TNFSF13B: variants seen among roughly 807,000 people sequenced by gnomAD.
The protein encoded by TNFSF13B is TNF superfamily member 13b.
In TNFSF13B, 8 loss-of-function variants were observed where a neutral mutation model predicts 29.1. The observed-to-expected ratio is 0.27, with a 90% CI of 0.16 to 0.50. TNFSF13B has a LOEUF of 0.50. Ranked by LOEUF, TNFSF13B falls within the 20% of genes least tolerant of loss-of-function variation. The pLI, the probability that TNFSF13B is intolerant of heterozygous loss-of-function variation, is 0.98. For synonymous variants in TNFSF13B, 125 were observed against 130.8 expected (o/e 0.96, Z 0.30); for missense variants, 248 against 334.9 (o/e 0.74, Z 2.03).
At chr13:108,288,840 G>A (rs933798150) in intron 3 of TNFSF13B, among the ~76,000 whole-genome samples, 1 of 152,184 alleles carries the variant, frequency 6.6e-6, no homozygotes, top group Non-Finnish European at 1.5e-5. Flanking sequence ...GGAGTATCTG[G>A]AGGTTAGGCT....
chr13:108,305,258 A>C (rs1487221400), intron 5 of TNFSF13B, among the ~76,000 whole-genome samples: 14 of 152,192 alleles, frequency 9.2e-5, no homozygotes. Context: ...ATATAAGTAC[A>C]TAAAATGTTT....
chr13:108,301,892 A>G lies in TNFSF13B; in HGVS notation c.482-1361A>G, dbSNP rs981617766. On this transcript the variant is annotated intron_variant, in intron 3 of 5. Coordinates refer to ENST00000375887, the MANE Select transcript of TNFSF13B (RefSeq NM_006573.5). Reference sequence around the variant, plus strand: ...TATATTTCAAGACATCATGTTGTACATGACAAATATGTACAATTTTATCTG... The same window carrying G: ...TATATTTCAAGACATCATGTTGTACGTGACAAATATGTACAATTTTATCTG... 2.0e-5 allele frequency among the ~76,000 whole-genome samples: 3 copies of G among 152,368 alleles called. No homozygotes were observed. The East Asian group carries it at 5.8e-4, about 29-fold the overall frequency.
intron 2 of TNFSF13B, among the ~76,000 whole-genome samples, chr13:108,283,423 G>T (rs577116657): frequency 6.6e-6 from 1 of 152,100 alleles, no homozygotes; most frequent in Non-Finnish European, 1.5e-5. Flanking sequence ...AACAGTTCTT[G>T]AAAGAAACTT....
intron 2 of TNFSF13B, among the ~76,000 whole-genome samples, chr13:108,284,335 T>A (rs899676859): frequency 4.9e-5 from 6 of 122,414 alleles, no homozygotes; most frequent in African/African-American, 1.1e-4. Context: ...TCTCAAAAAA[T>A]AAATAAATAA....
Position 108,286,834 on chromosome 13 carries a change from C to G in TNFSF13B, c.456C>G (p.Asp152Glu), listed in dbSNP as rs1219469103. 1 of 1,570,968 alleles carries G rather than the reference C, an allele frequency of 6.4e-7. No individual in the cohort carries two copies. Among genetic ancestry groups the G allele is most frequent in the Admixed American group, 1.8e-5 (1 of 56,920 alleles). Residue 152 changes from aspartate to glutamate, a missense_variant, in exon 3 of 6, where the codon GAC (aspartate) becomes GAG (glutamate). By Grantham distance (45) the Asp-to-Glu change is conservative (BLOSUM62 2). Transcript: ENST00000375887. ...AAGACTGCTTGCAACTGATTGCAGA[C>G]AGTGAAACACCAACTATACAAAAAG... ...VTQDCLQLIA[D>E]SETPTIQKGS...
At chr13:108,279,203 T>G (rs1308376347) in intron 2 of TNFSF13B, among the ~76,000 whole-genome samples, 1 of 151,996 alleles carries the variant, frequency 6.6e-6, no homozygotes, top group East Asian at 1.9e-4. Flanking sequence ...TTCCACGGAT[T>G]TTTTTTTAAG....
intron 3 of TNFSF13B, among the ~76,000 whole-genome samples, chr13:108,300,624 C>T (rs555919790): frequency 3.2e-4 from 48 of 152,244 alleles, no homozygotes; most frequent in African/African-American, 1.1e-3. Context: ...GAAATTATAT[C>T]GTAAAAGAGG....
rs1418314191 is a variant in TNFSF13B, at chr13:108,298,994, A to G, written c.482-4259A>G. On this transcript the variant is annotated intron_variant, in intron 3 of 5. Transcript: ENST00000375887. ...AAACAAACAAACAAACAAACAAAAA[A>G]CAAACAAACAAACAAAACATTGCAT... Among the ~76,000 whole-genome samples the G allele has an allele frequency of 1.4e-5, 2 of 145,454 alleles. 1 individual carries two copies. The highest frequency in any genetic ancestry group is 3.1e-5 in the Non-Finnish European group (2 of 65,494).
At chr13:108,300,420 C>T (rs73611020) in intron 3 of TNFSF13B, among the ~76,000 whole-genome samples, 3,335 of 152,148 alleles carry the variant, frequency 0.022, 50 homozygotes, top group Middle Eastern at 0.037. Flanking sequence ...TAAAAGCTCT[C>T]TTCCCTCCAA....
In TNFSF13B at chr13:108,307,636, A is replaced by C. The variant is rs1401338555; in HGVS notation, c.*698A>C. On this transcript the variant is annotated 3_prime_UTR_variant, in exon 6 of 6. Coordinates refer to ENST00000375887, the MANE Select transcript of TNFSF13B (RefSeq NM_006573.5). The stretch of plus-strand genomic sequence containing the variant: ...AGAGAGAGAATATCCTCATTTGTTT[A>C]TGCTCATGTGTATTTTCTATAGTGA... 1 of 151,964 alleles carries C rather than the reference A, an allele frequency of 6.6e-6. No individual in the cohort carries two copies. Among genetic ancestry groups the C allele is most frequent in the Non-Finnish European group, 1.5e-5 (1 of 67,916 alleles). 9.4% of individuals were successfully genotyped at this position (151,964 alleles called of 1,614,324 possible). A position where few individuals can be genotyped will look rare whatever the true frequency, so the allele number is the denominator to read the frequency against.
chr13:108,303,114 TC>T (rs1339996017), intron 3 of TNFSF13B, 138 bp from the exon 4 acceptor site: 7 of 689,358 alleles, frequency 1.0e-5, no homozygotes, highest in Non-Finnish European at 1.6e-5. Context: ...TATTCCTTTT[TC>T]CTTTTTTTTC....
chr13:108,289,933 G>A (rs1445391270), intron 3 of TNFSF13B, among the ~76,000 whole-genome samples: 2 of 151,840 alleles, frequency 1.3e-5, no homozygotes, highest in African/African-American at 2.4e-5. Flanking sequence ...ATTTTGAATA[G>A]GTAATGCATT....
chr13:108,287,930 G>C (rs1594525384), intron 3 of TNFSF13B, among the ~76,000 whole-genome samples: 1 of 152,254 alleles, frequency 6.6e-6, no homozygotes, highest in East Asian at 1.9e-4. Flanking sequence ...TGTTAATCCA[G>C]AGAAATGGTC....
At chr13:108,298,222 A>G (rs1881509241) in intron 3 of TNFSF13B, among the ~76,000 whole-genome samples, 1 of 145,114 alleles carries the variant, frequency 6.9e-6, no homozygotes, top group Admixed American at 6.8e-5. Flanking sequence ...TATGAGGTCT[A>G]TGAGATATCA....
At chr13:108,306,766 A>G in intron 5 of TNFSF13B, 60 bp from the exon 6 acceptor site, 1 of 1,014,674 alleles carries the variant, frequency 9.9e-7, no homozygotes, top group Non-Finnish European at 1.5e-6. Flanking sequence ...GTTTTATTTA[A>G]GATTCTTTTC....
At chr13:108,271,756 T>A (rs973455110) in intron 2 of TNFSF13B, among the ~76,000 whole-genome samples, 17 of 152,142 alleles carry the variant, frequency 1.1e-4, no homozygotes, top group African/African-American at 3.1e-4. Flanking sequence ...TACTATAATA[T>A]TTTTTGTTTT....
chr13:108,280,069 C>CTTTTTTTT (rs35086854), intron 2 of TNFSF13B, among the ~76,000 whole-genome samples: 1 of 120,028 alleles, frequency 8.3e-6, no homozygotes. Context: ...ATGGCGTCTG[C>CTTTTTTTT]TTTTTTTTTT....
chr13:108,284,732 T>A (rs755755444), intron 2 of TNFSF13B, among the ~76,000 whole-genome samples: 1 of 152,204 alleles, frequency 6.6e-6, no homozygotes, highest in Non-Finnish European at 1.5e-5. Flanking sequence ...GGAGGAAAGA[T>A]GAGAGCTTTG....
At chr13:108,299,358 A>G (rs1312857808) in intron 3 of TNFSF13B, among the ~76,000 whole-genome samples, 3 of 110,672 alleles carry the variant, frequency 2.7e-5, no homozygotes, top group Non-Finnish European at 6.2e-5. Context: ...TGAAAAGTGA[A>G]CAGTTAGGCA....
Sources: allele counts gnomAD v4.1 joint callset (sites outside exome capture counted in the v4.1 genomes callset), GRCh38; gene constraint gnomAD v4.1.1; transcripts MANE v1.5; gene names NCBI Gene and HGNC (gene_info 2026-07-23, HGNC 2026-07-21).